The following CLGN variants were observed in gnomAD, a reference collection of about 807,000 sequenced individuals.
CLGN encodes calmegin, also known as testis tissue sperm-binding protein Li 79P.
Under a neutral mutation model 79.1 loss-of-function variants are expected in CLGN, and 62 were observed. That is an observed-to-expected ratio of 0.78 (90% CI 0.64 to 0.97). The LOEUF is 0.97. Ranked by LOEUF, CLGN falls within the 50% of genes least tolerant of loss-of-function variation. The pLI is 0.00. For missense variants in CLGN, 647 were observed against 715.5 expected, an observed-to-expected ratio of 0.90 and a Z score of 1.09; for synonymous variants, 225 against 224.7, an observed-to-expected ratio of 1.00 and a Z score of -0.01.
At chr4:140,415,129 C>A (rs1375595287) in intron 1 of CLGN, among the ~76,000 whole-genome samples, 10,758 of 151,720 alleles carry the variant, frequency 0.071, 515 homozygotes, top group African/African-American at 0.13. Flanking sequence ...GAAATAAAAT[C>A]CTTTACAGAC....
At chr4:140,396,900 T>A (rs920612079) in intron 8 of CLGN, among the ~76,000 whole-genome samples, 1 of 60,900 alleles carries the variant, frequency 1.6e-5, no homozygotes, top group Non-Finnish European at 3.7e-5. Flanking sequence ...TGTATATATA[T>A]ATATATGTAT....
At chr4:140,423,640 A>G (rs1407207315) in intron 1 of CLGN, among the ~76,000 whole-genome samples, 1 of 152,184 alleles carries the variant, frequency 6.6e-6, no homozygotes, top group East Asian at 1.9e-4. Context: ...TCACCAGTGA[A>G]GCCACCTAGT....
intron 4 of CLGN, among the ~76,000 whole-genome samples, chr4:140,409,333 C>G (rs2126627202): frequency 6.6e-6 from 1 of 152,148 alleles, no homozygotes; most frequent in South Asian, 2.1e-4. Context: ...TAGGACATTT[C>G]TTTCTAGAGC....
At chr4:140,403,857 A>G (rs1434650746) in intron 5 of CLGN, among the ~76,000 whole-genome samples, 1 of 152,200 alleles carries the variant, frequency 6.6e-6, no homozygotes, top group Non-Finnish European at 1.5e-5. Context: ...ACTTCCAGTC[A>G]TAGGAAAACC....
rs760969307 is a variant in CLGN at position 140,392,704 on chromosome 4, A to G, written c.1373T>C (p.Val458Ala). ...AGCAGCTGCCATTAACTGTTTTAATACACCAGGCTATAGACGAGATAAGCA... is the reference window on the plus strand; with the variant it reads ...AGCAGCTGCCATTAACTGTTTTAATGCACCAGGCTATAGACGAGATAAGCA... ...IMIANANKPG[V>A]LKQLMAAAEG... Residue 458 changes from valine to alanine, a missense_variant, in exon 12 of 15, where the codon GTA becomes GCA. Physicochemically the swap from Val to Ala is moderately conservative, Grantham distance 64. Coordinates refer to ENST00000325617, the MANE Select transcript of CLGN (RefSeq NM_004362.3). 6.3e-7 allele frequency: 1 copy of G among 1,595,786 alleles called. No homozygotes were observed. Among genetic ancestry groups the G allele is most frequent in the Non-Finnish European group, 8.5e-7 (1 of 1,174,300 alleles).
At chr4:140,416,207 T>C (rs1729327826) in intron 1 of CLGN, among the ~76,000 whole-genome samples, 1 of 34,992 alleles carries the variant, frequency 2.9e-5, no homozygotes, top group African/African-American at 1.2e-4. Context: ...AAGCAGTGTG[T>C]AGAGGGAAAT....
intron 7 of CLGN, among the ~76,000 whole-genome samples, chr4:140,400,057 A>G (rs1449163419): frequency 6.6e-6 from 1 of 152,138 alleles, no homozygotes; most frequent in Non-Finnish European, 1.5e-5. Context: ...CTTTCACCCT[A>G]CTGTCTTCAA....
At chr4:140,424,269 C>T (rs1233699342) in intron 1 of CLGN, among the ~76,000 whole-genome samples, 1 of 152,086 alleles carries the variant, frequency 6.6e-6, no homozygotes, top group Non-Finnish European at 1.5e-5. Flanking sequence ...TTATTTGGCT[C>T]ATTGTTCAAG....
In CLGN at chr4:140,418,522, C is replaced by T. The variant is rs1729392511; in HGVS notation, c.-9-5435G>A. ...AATTTACAAGAAAAAAACAAACAAC[C>T]CCATCAAAAAGTGGGCGAAGGACAT... On this transcript the variant is annotated intron_variant, in intron 1 of 14. Coordinates refer to ENST00000325617, the MANE Select transcript of CLGN (RefSeq NM_004362.3). Among the ~76,000 whole-genome samples, 3 of 146,260 alleles carry T rather than the reference C, an allele frequency of 2.1e-5. 1 individual carries two copies. The highest frequency in any genetic ancestry group is 2.0e-4 in the Admixed American group (3 of 14,742).
Position 140,392,622 on chromosome 4 carries a change from T to C in CLGN, c.1455A>G (p.Ala485=), listed in dbSNP as rs1342880014. 1.9e-6 allele frequency: 3 copies of C among 1,608,436 alleles called. No individual in the cohort carries two copies. The highest frequency in any genetic ancestry group is 3.4e-5 in the Admixed American group (2 of 58,626). ...IYLVTAGVPI[A]LITSFCWPRK... Reference sequence around the variant, plus strand: ...TTGGCCAACAAAATGAAGTAATTAATGCTATTGGCACTCCTGCTGTCACAA... The same window carrying C: ...TTGGCCAACAAAATGAAGTAATTAACGCTATTGGCACTCCTGCTGTCACAA... The change falls in exon 12 of 15, where the codon GCA becomes GCG. Residue 485 remains alanine (A), a synonymous_variant. Transcript: ENST00000325617.
intron 10 of CLGN, 147 bp from the exon 11 acceptor site, chr4:140,394,188 G>A (rs1728827510): frequency 1.7e-6 from 1 of 599,574 alleles, no homozygotes; most frequent in African/African-American, 1.9e-5. Flanking sequence ...GTAATATACT[G>A]GATATAAAAT....
intron 10 of CLGN, 42 bp from the exon 11 acceptor site, chr4:140,394,083 T>C: frequency 7.0e-7 from 1 of 1,422,532 alleles, no homozygotes; most frequent in Non-Finnish European, 9.8e-7. Flanking sequence ...ATAAAATAAC[T>C]TCATTATAAA....
chr4:140,413,261 T>C (rs1729248255), intron 1 of CLGN, among the ~76,000 whole-genome samples, 174 bp from the exon 2 acceptor site: 1 of 152,208 alleles, frequency 6.6e-6, no homozygotes, highest in South Asian at 2.1e-4. Context: ...AAATACAAAC[T>C]TCAAATCTTG....
chr4:140,400,702 T>C (rs924959084), intron 6 of CLGN, among the ~76,000 whole-genome samples, 153 bp from the exon 7 acceptor site: 8 of 152,138 alleles, frequency 5.3e-5, no homozygotes, highest in Non-Finnish European at 7.4e-5. Flanking sequence ...ATAAAGGACA[T>C]GGGAAAATGA....
chr4:140,402,189 A>G, intron 5 of CLGN, 123 bp from the exon 6 acceptor site: 1 of 511,462 alleles, frequency 2.0e-6, no homozygotes, highest in Non-Finnish European at 3.4e-6. Flanking sequence ...CAGAAAACTC[A>G]TATAAAGCAT....
Position 140,396,133 on chromosome 4 carries a change from T to C in CLGN, c.957A>G (p.Pro319=). The C allele has an allele frequency of 1.2e-6, 2 of 1,614,216 alleles. No individual in the cohort carries two copies. The highest frequency in any genetic ancestry group is 2.2e-5 in the South Asian group (2 of 91,086). The change falls in exon 9 of 15, where the codon CCA becomes CCG. Residue 319 remains proline (P), a synonymous_variant. Coordinates refer to ENST00000325617, the MANE Select transcript of CLGN (RefSeq NM_004362.3). ...CAGCATTAGGATCAGGGATAAATTT[T>C]GGTTCATCATCAAGCCAGCCAGCAG... is the stretch of plus-strand genomic sequence containing the variant. ...VKPAGWLDDE[P]KFIPDPNAEK...
intron 5 of CLGN, among the ~76,000 whole-genome samples, chr4:140,403,428 T>C (rs1407261775): frequency 6.6e-6 from 1 of 152,222 alleles, no homozygotes; most frequent in Non-Finnish European, 1.5e-5. Context: ...ATTTTTTAAA[T>C]AGAGGACAGT....
At chr4:140,418,264 G>A (rs1729386780) in intron 1 of CLGN, among the ~76,000 whole-genome samples, 1 of 151,140 alleles carries the variant, frequency 6.6e-6, no homozygotes, top group Non-Finnish European at 1.5e-5. Flanking sequence ...AGAAAACCTA[G>A]GCATTACCAT....
intron 7 of CLGN, 37 bp downstream of exon 7, chr4:140,400,320 A>G: frequency 1.4e-6 from 2 of 1,453,662 alleles, no homozygotes; most frequent in Non-Finnish European, 1.9e-6. Context: ...TAGTCAGCAA[A>G]TATTTTTGAA....
Sources: gnomAD v4.1 joint callset for allele counts (sites outside exome capture counted in the v4.1 genomes callset) on GRCh38, gnomAD v4.1.1 for gene constraint, MANE v1.5 for transcripts, NCBI Gene and HGNC (gene_info 2026-07-23, HGNC 2026-07-21) for gene names.